The following PGM5 variants were observed in gnomAD, a reference collection of about 807,000 sequenced individuals.
PGM5 encodes phosphoglucomutase-like protein 5.
A neutral mutation model predicts 59.2 loss-of-function variants in PGM5; 23 were observed. The ratio of observed to expected loss-of-function variants is 0.39; its 90% CI spans 0.28 to 0.55. The LOEUF is 0.55. PGM5 is among the 20% of genes least tolerant of loss of function. The probability of loss-of-function intolerance (pLI) is 0.66; values close to 1 mark genes in which losing one functional copy is unlikely to be tolerated. For synonymous variants in PGM5, 214 were observed against 286.0 expected (o/e 0.75, Z 2.54); for missense variants, 574 against 748.3 (o/e 0.77, Z 2.72).
At position 68,483,986 on chromosome 9, in the gene PGM5, G is replaced by T; in HGVS notation, c.1417G>T (p.Val473Leu). 6.2e-7 allele frequency: 1 copy of T among 1,614,064 alleles called. No homozygotes were observed. Among genetic ancestry groups the T allele is most frequent in the Non-Finnish European group, 8.5e-7 (1 of 1,179,960 alleles). ...TGCTGTGGGGAGCCATGTCTACAGC[G>T]TGGCGAAGACGGATAGTTTTGAATA... ...QFAVGSHVYSVAKTDSFEYVD... is the reference protein window; with the variant it reads ...QFAVGSHVYSLAKTDSFEYVD... The change falls in exon 9 of 11, where the codon GTG becomes TTG. Residue 473 changes from valine to leucine, a missense_variant. Physicochemically the swap from Val to Leu is conservative, Grantham distance 32. Coordinates refer to ENST00000396396, the MANE Select transcript of PGM5 (RefSeq NM_021965.4).
In PGM5 at chr9:68,378,135, C is replaced by A. The variant is rs1275044459; in HGVS notation, c.262-64C>A. 46 of 1,275,490 alleles carry A rather than the reference C, an allele frequency of 3.6e-5. No homozygotes were observed. The African/African-American group carries it at 7.4e-4, about 21-fold the overall frequency. The allele number at this position is 1,275,490 out of a possible 1,614,324, so 79.0% of individuals were successfully genotyped here. ...CTGTATGTTAACAGAGCCTGGGGCA[C>A]TTTCCTGTTGAAATGGCTTTAATCC... On this transcript the variant is annotated intron_variant, in intron 1 of 10. Coordinates refer to ENST00000396396, the MANE Select transcript of PGM5 (RefSeq NM_021965.4).
intron 6 of PGM5, among the ~76,000 whole-genome samples, chr9:68,403,972 G>A (rs1165269465): frequency 2.6e-5 from 4 of 152,188 alleles, no homozygotes; most frequent in Admixed American, 1.3e-4. Context: ...CGTAGTTCAA[G>A]GTAAGGTTGG....
At chr9:68,511,024 C>T (rs2132112969) in intron 10 of PGM5, among the ~76,000 whole-genome samples, 1 of 152,304 alleles carries the variant, frequency 6.6e-6, no homozygotes, top group African/African-American at 2.4e-5. Flanking sequence ...CTCTAAGTAG[C>T]AGGCTTCAGA....
chr9:68,388,981 A>G (rs1393512782), intron 4 of PGM5, among the ~76,000 whole-genome samples: 1 of 151,964 alleles, frequency 6.6e-6, no homozygotes, highest in Admixed American at 6.6e-5. Flanking sequence ...TTTTTGAATT[A>G]CTATTTAGTA....
intron 3 of PGM5, 148 bp downstream of exon 3, chr9:68,384,692 G>A: frequency 1.8e-6 from 1 of 541,234 alleles, no homozygotes; most frequent in Non-Finnish European, 3.3e-6. Flanking sequence ...ATGGTGTAGA[G>A]AGAAGACATG....
intron 2 of PGM5, among the ~76,000 whole-genome samples, chr9:68,379,809 A>T (rs149579407): frequency 0.041 from 6,211 of 152,154 alleles, 133 homozygotes; most frequent in Middle Eastern, 0.051. Context: ...GCCTATACTT[A>T]TATCAGATAA....
chr9:68,406,653 A>G (rs1822815682), intron 6 of PGM5, among the ~76,000 whole-genome samples: 1 of 109,502 alleles, frequency 9.1e-6, no homozygotes, highest in Non-Finnish European at 1.8e-5. Context: ...ACTGAGGATT[A>G]AATTAGGTAT....
intron 7 of PGM5, among the ~76,000 whole-genome samples, chr9:68,476,146 T>A (rs532992583): frequency 6.6e-6 from 1 of 152,370 alleles, no homozygotes; most frequent in Non-Finnish European, 1.5e-5. Context: ...TTTTAAAGAC[T>A]GTTGATCATT....
chr9:68,482,294 C>T (rs1824208831), intron 8 of PGM5, among the ~76,000 whole-genome samples: 1 of 152,048 alleles, frequency 6.6e-6, no homozygotes, highest in Non-Finnish European at 1.5e-5. Context: ...GCCCCTTTCT[C>T]CTTGGTTGGG....
intron 10 of PGM5, among the ~76,000 whole-genome samples, chr9:68,513,611 C>G (rs1228164610): frequency 2.6e-5 from 4 of 152,180 alleles, no homozygotes; most frequent in African/African-American, 9.7e-5. Flanking sequence ...GAGCTGATAA[C>G]AAGGTTCTAG....
chr9:68,408,864 TTG>T lies in PGM5; in HGVS notation c.1043+16393_1043+16394del, dbSNP rs1554681383. Among the ~76,000 whole-genome samples the T allele has an allele frequency of 2.8e-3, 431 of 152,282 alleles. 3 individuals are homozygous for T. The highest frequency in any genetic ancestry group is 9.8e-3 in the African/African-American group (409 of 41,566). On this transcript the variant is annotated intron_variant, in intron 6 of 10. Coordinates refer to ENST00000396396, the MANE Select transcript of PGM5 (RefSeq NM_021965.4). ...CCCCATCGCTTTTTTTTTCTCAGGT[TTG>T]TCAAAGATCAGATAGTTGTAGACAT...
In PGM5 at chr9:68,451,084, C is replaced by T. The variant is rs557053203; in HGVS notation, c.1044-14009C>T. ...ATACACAGCCACCTACCCACTTGAA[C>T]ATCCATACACAAACACATACAAGCA... On this transcript the variant is annotated intron_variant, in intron 6 of 10. Transcript: ENST00000396396. Among the ~76,000 whole-genome samples the T allele has an allele frequency of 4.7e-3, 720 of 152,278 alleles. 6 individuals are homozygous for T. The highest frequency in any genetic ancestry group is 0.016 in the African/African-American group (681 of 41,564).
At chr9:68,440,681 A>G (rs1823510653) in intron 6 of PGM5, among the ~76,000 whole-genome samples, 1 of 152,090 alleles carries the variant, frequency 6.6e-6, no homozygotes, top group Non-Finnish European at 1.5e-5. Context: ...CTTAGGAGGG[A>G]AATTCTTTAA....
At chr9:68,478,863 G>A (rs536568703) in intron 7 of PGM5, among the ~76,000 whole-genome samples, 1 of 152,304 alleles carries the variant, frequency 6.6e-6, no homozygotes, top group South Asian at 2.1e-4. Context: ...GTTCCAGGTG[G>A]ACATATCTGT....
chr9:68,413,402 T>C (rs1243424651), intron 6 of PGM5, among the ~76,000 whole-genome samples: 7 of 152,108 alleles, frequency 4.6e-5, no homozygotes, highest in African/African-American at 1.4e-4. Flanking sequence ...GAAACAGCTA[T>C]GCAAACACAC....
intron 6 of PGM5, chr9:68,398,813 T>A (rs1245567823): frequency 6.6e-6 from 1 of 152,210 alleles, no homozygotes; most frequent in African/African-American, 2.4e-5. Flanking sequence ...TATCTCCTAG[T>A]CTCACCCTCT....
intron 6 of PGM5, among the ~76,000 whole-genome samples, chr9:68,409,102 C>T (rs1822875651): frequency 6.6e-6 from 1 of 151,820 alleles, no homozygotes; most frequent in African/African-American, 2.4e-5. Context: ...GACATTTATG[C>T]AGCCAAAAAA....
chr9:68,404,239 G>A (rs1344907473), intron 6 of PGM5, among the ~76,000 whole-genome samples: 1 of 152,178 alleles, frequency 6.6e-6, no homozygotes, highest in East Asian at 1.9e-4. Context: ...CAATTCTCAT[G>A]CCTCAGCCTC....
At chr9:68,431,008 A>T (rs987495899) in intron 6 of PGM5, among the ~76,000 whole-genome samples, 14 of 152,188 alleles carry the variant, frequency 9.2e-5, no homozygotes, top group African/African-American at 3.4e-4. Flanking sequence ...TTCCTCTAGA[A>T]TATATTATAA....
Sources: allele counts gnomAD v4.1 joint callset (sites outside exome capture counted in the v4.1 genomes callset), GRCh38; gene constraint gnomAD v4.1.1; transcripts MANE v1.5; gene names NCBI Gene and HGNC (gene_info 2026-07-23, HGNC 2026-07-21).